Variants in ADGRB1 observed in about 807,000 individuals in gnomAD.
ADGRB1 encodes the protein adhesion G protein-coupled receptor B1, also known as brain-specific angiogenesis inhibitor 1.
In ADGRB1, 36 loss-of-function variants were observed where a neutral mutation model predicts 175.7. The observed-to-expected ratio is 0.20, with a 90% CI of 0.16 to 0.27. The LOEUF (loss-of-function observed/expected upper bound fraction) is 0.27, where lower values mean the gene tolerates loss of function less well. ADGRB1 is among the 10% of genes least tolerant of loss of function. ADGRB1 has a pLI of 1.00. For synonymous variants in ADGRB1, 1,054 were observed against 979.4 expected (o/e 1.08, Z -1.42); for missense variants, 1,731 against 2,255.3 (o/e 0.77, Z 4.71).
rs375811087 is a variant in ADGRB1 at position 142,521,292 on chromosome 8, C to A, written c.3024+367C>A. Among the ~76,000 whole-genome samples, 208 of 152,238 alleles carry A rather than the reference C, an allele frequency of 1.4e-3. 1 individual carries two copies. The highest frequency in any genetic ancestry group is 2.5e-3 in the South Asian group (12 of 4,822). ...GAGTGGCACTGTGGTGACAGAGGCTCCCACGGTCCACCCTCTCACCCCTAC... is the reference window on the plus strand; with the variant it reads ...GAGTGGCACTGTGGTGACAGAGGCTACCACGGTCCACCCTCTCACCCCTAC... On this transcript the variant is annotated intron_variant, in intron 20 of 30. Transcript: ENST00000517894.
chr8:142,459,070 C>T (rs908317040), intron 1 of ADGRB1, among the ~76,000 whole-genome samples: 5 of 152,364 alleles, frequency 3.3e-5, no homozygotes, highest in African/African-American at 1.2e-4. Context: ...CACCCTGTCA[C>T]CTGTTGCCGG....
intron 17 of ADGRB1, among the ~76,000 whole-genome samples, chr8:142,501,397 AGGTGGGGTGGTGGTGGTG>A (rs1458325436): frequency 2.0e-3 from 58 of 28,972 alleles, no homozygotes; most frequent in African/African-American, 7.0e-3. Flanking sequence ...TTGATGATGG[AGGTGGGGTGGTGGTGGTG>A]ATGATGGGGT....
intron 1 of ADGRB1, among the ~76,000 whole-genome samples, chr8:142,450,442 A>G (rs1336043678): frequency 6.6e-6 from 1 of 152,002 alleles, no homozygotes; most frequent in African/African-American, 2.4e-5. Context: ...CCTCTTCATC[A>G]CATGCACAGG....
Position 142,479,633 on chromosome 8 carries a change from AGAGC to A in ADGRB1, c.1727-59_1727-56del. The A allele has an allele frequency of 2.0e-6, 3 of 1,479,024 alleles. No individual in the cohort carries two copies. The East Asian group carries it at 7.3e-5, about 36-fold the overall frequency. 91.6% of individuals were successfully genotyped at this position (1,479,024 alleles called of 1,614,324 possible). Reference sequence around the variant, plus strand: ...CTGCTCCAGGCGCCTTGCACCTTCCAGAGCCAGCTGCCGGCTCTCAGTACCCCTT... The same window carrying A: ...CTGCTCCAGGCGCCTTGCACCTTCCACAGCTGCCGGCTCTCAGTACCCCTT... On this transcript the variant is annotated intron_variant, in intron 8 of 30. Coordinates refer to ENST00000517894, the MANE Select transcript of ADGRB1 (RefSeq NM_001702.3).
intron 27 of ADGRB1, among the ~76,000 whole-genome samples, chr8:142,541,305 C>T (rs767107200): frequency 5.9e-5 from 9 of 152,124 alleles, no homozygotes; most frequent in Non-Finnish European, 1.2e-4. Flanking sequence ...ACTCAGAGGT[C>T]AAGGCGGCTG....
chr8:142,489,292 G>C, intron 15 of ADGRB1, 44 bp from the exon 16 acceptor site: 1 of 1,603,900 alleles, frequency 6.2e-7, no homozygotes, highest in Non-Finnish European at 8.5e-7. Flanking sequence ...GAGGAGCCTG[G>C]GCTGGGAGGG....
chr8:142,465,025 AGACAGGGGAGGCGGGC>A, intron 2 of ADGRB1, 43 bp downstream of exon 2: 1 of 702,842 alleles, frequency 1.4e-6, no homozygotes, highest in African/African-American at 3.2e-5. Flanking sequence ...GGAGGTGGGC[AGACAGGGGAGGCGGGC>A]AGACAGGGGA....
Position 142,518,210 on chromosome 8 carries a change from A to G in ADGRB1, c.2890A>G (p.Met964Val), listed in dbSNP as rs1327640668. The change falls in exon 19 of 31, where the codon ATG becomes GTG. Residue 964 changes from methionine (M) to valine (V), a missense_variant. Physicochemically the swap from Met to Val is conservative, Grantham distance 21. Transcript: ENST00000517894. ...TGGCGTGTCCTCTCTCACCCTGCTC[A>G]TGCTGGTCATCATCTACGTGTCCGT... is the stretch of plus-strand genomic sequence containing the variant. ...GCGVSSLTLL[M>V]LVIIYVSVWR... is the part of the protein sequence containing the mutation. 6.2e-7 allele frequency: 1 copy of G among 1,613,764 alleles called. No individual in the cohort carries two copies. The highest frequency in any genetic ancestry group is 8.5e-7 in the Non-Finnish European group (1 of 1,179,780).
At chr8:142,527,773 C>T (rs1844299992) in intron 24 of ADGRB1, among the ~76,000 whole-genome samples, 1 of 152,100 alleles carries the variant, frequency 6.6e-6, no homozygotes. Flanking sequence ...GCAGTGATCT[C>T]AGGGGCTCAC....
Position 142,533,319 on chromosome 8 carries a change from G to T in ADGRB1, c.3423G>T (p.Val1141=). 6.4e-7 allele frequency: 1 copy of T among 1,565,300 alleles called. No homozygotes were observed. ...GGGCCTCCCTGTGGAGCTCCTGCGT[G>T]GTGCTGCCGCTGCTGGCGCTGACCT... ...RAGASLWSSC[V]VLPLLALTWM... The change falls in exon 25 of 31, where the codon GTG becomes GTT. Residue 1141 remains valine, a synonymous_variant. Transcript: ENST00000517894.
chr8:142,510,919 C>A lies in ADGRB1; in HGVS notation c.2676-13C>A. On this transcript the variant is annotated splice_polypyrimidine_tract_variant and intron_variant, in intron 17 of 30. Coordinates refer to ENST00000517894, the MANE Select transcript of ADGRB1 (RefSeq NM_001702.3). This position sits in a 1 kb window ranked among gnomAD's most constrained non-coding sequence, Gnocchi z 6.3. ...CTCCGCCTGTCTCCCTCCCGTGTCC[C>A]GCCCGCCCCCAGACCCTCCTCCTCC... 9.4e-7 allele frequency: 1 copy of A among 1,064,222 alleles called. No individual in the cohort carries two copies. Among genetic ancestry groups the A allele is most frequent in the Non-Finnish European group, 1.2e-6 (1 of 866,242 alleles). The allele number at this position is 1,064,222 out of a possible 1,614,324, so 65.9% of individuals were successfully genotyped here. A position where few individuals can be genotyped will look rare whatever the true frequency, so the allele number is the denominator to read the frequency against.
chr8:142,516,642 GGTGT>G (rs10638916), intron 18 of ADGRB1, among the ~76,000 whole-genome samples: 238 of 130,320 alleles, frequency 1.8e-3, no homozygotes, highest in Non-Finnish European at 2.2e-3. Flanking sequence ...GCGGGTCCCA[GGTGT>G]GTGTGTGTGT....
chr8:142,514,618 T>C (rs376187942), intron 18 of ADGRB1, among the ~76,000 whole-genome samples: 5 of 152,264 alleles, frequency 3.3e-5, no homozygotes, highest in East Asian at 3.9e-4. Context: ...TCACAGTTCA[T>C]TTGCAACCAG....
intron 18 of ADGRB1, among the ~76,000 whole-genome samples, chr8:142,515,956 G>A (rs939874432): frequency 6.6e-5 from 10 of 152,262 alleles, no homozygotes; most frequent in African/African-American, 2.4e-4. Flanking sequence ...ACCTGGGGTA[G>A]TTCGAGGGGC....
chr8:142,517,704 C>T (rs114566481), intron 18 of ADGRB1, among the ~76,000 whole-genome samples: 4,317 of 152,074 alleles, frequency 0.028, 178 homozygotes, highest in African/African-American at 0.089. Flanking sequence ...GGGGGTGGGC[C>T]GGAGTCAAAG....
At chr8:142,536,073 A>G (rs1563751169) in intron 25 of ADGRB1, among the ~76,000 whole-genome samples, 1 of 152,038 alleles carries the variant, frequency 6.6e-6, no homozygotes, top group Non-Finnish European at 1.5e-5. Flanking sequence ...GTGAGGGAAC[A>G]GGGCCACAGG....
chr8:142,535,817 C>T (rs906924946), intron 25 of ADGRB1, among the ~76,000 whole-genome samples: 2 of 152,008 alleles, frequency 1.3e-5, no homozygotes, highest in African/African-American at 4.8e-5. Flanking sequence ...TAGGCATTTG[C>T]GGGGCAGGTC....
intron 1 of ADGRB1, among the ~76,000 whole-genome samples, chr8:142,451,900 G>GA (rs1409141461): frequency 6.6e-6 from 1 of 152,144 alleles, no homozygotes; most frequent in Non-Finnish European, 1.5e-5. Flanking sequence ...GGGCGGCAGC[G>GA]AAACTCTGCG....
At chr8:142,526,313 G>A (rs577125761) in intron 23 of ADGRB1, among the ~76,000 whole-genome samples, 7 of 152,326 alleles carry the variant, frequency 4.6e-5, no homozygotes, top group African/African-American at 1.7e-4. Context: ...CAGCAGAGGT[G>A]CCGACGGTGC....
Sources: gnomAD v4.1 joint callset for allele counts (sites outside exome capture counted in the v4.1 genomes callset) on GRCh38, gnomAD v4.1.1 for gene constraint, Gnocchi (gnomAD v3.1) non-coding constraint, MANE v1.5 for transcripts, NCBI Gene and HGNC (gene_info 2026-07-23, HGNC 2026-07-21) for gene names.